Variants in SKAP1 observed in about 807,000 individuals in gnomAD.
The protein encoded by SKAP1 is src kinase associated phosphoprotein 1, also known as src kinase-associated phosphoprotein 1.
Under a neutral mutation model 58.5 loss-of-function variants are expected in SKAP1, and 44 were observed. That is an observed-to-expected ratio of 0.75 (90% CI 0.59 to 0.97). The LOEUF (loss-of-function observed/expected upper bound fraction) is 0.97, where lower values mean the gene tolerates loss of function less well. Among genes scored for constraint, SKAP1 ranks in the 50% least tolerant of loss-of-function variants. The probability of loss-of-function intolerance (pLI) is 0.00; values close to 1 mark genes in which losing one functional copy is unlikely to be tolerated. For missense variants in SKAP1, 390 were observed against 435.2 expected (o/e 0.90, Z 0.92); for synonymous variants, 127 against 149.7 (o/e 0.85, Z 1.11).
chr17:48,421,369 G>C (rs928069707), intron 1 of SKAP1, among the ~76,000 whole-genome samples: 10 of 150,592 alleles, frequency 6.6e-5, no homozygotes, highest in African/African-American at 2.2e-4. Context: ...GGCACGAGGC[G>C]GGAGGCTCAC....
chr17:48,436,817 G>T, the SKAP1 span, among the ~76,000 whole-genome samples: 3 of 152,092 alleles, frequency 2.0e-5, no homozygotes, highest in Non-Finnish European at 4.4e-5. Context: ...TCTCCCAAGA[G>T]CATCACTGAC....
At chr17:48,187,528 GA>G (rs1400303620) in intron 6 of SKAP1, among the ~76,000 whole-genome samples, 1 of 152,054 alleles carries the variant, frequency 6.6e-6, no homozygotes, top group Non-Finnish European at 1.5e-5. Flanking sequence ...TGCCTGTAAA[GA>G]GTTTGAAGTT....
chr17:48,412,843 C>T (rs931729754), intron 1 of SKAP1, among the ~76,000 whole-genome samples: 2 of 152,020 alleles, frequency 1.3e-5, no homozygotes, highest in Non-Finnish European at 2.9e-5. Context: ...TATGATTTTA[C>T]TTTTCAAGTT....
chr17:48,209,051 AG>A (rs951086825), intron 4 of SKAP1, among the ~76,000 whole-genome samples: 1 of 152,208 alleles, frequency 6.6e-6, no homozygotes, highest in Non-Finnish European at 1.5e-5. Flanking sequence ...TTCTATAATA[AG>A]AAAAATGACC....
chr17:48,267,628 CTTAGT>C (rs1187198850), intron 4 of SKAP1, among the ~76,000 whole-genome samples: 2 of 152,068 alleles, frequency 1.3e-5, no homozygotes, highest in Non-Finnish European at 2.9e-5. Flanking sequence ...AACACACTTG[CTTAGT>C]TTAATTTGCT....
At chr17:48,155,501 T>C (rs1051838998) in intron 11 of SKAP1, among the ~76,000 whole-genome samples, 1 of 152,298 alleles carries the variant, frequency 6.6e-6, no homozygotes, top group Admixed American at 6.5e-5. Flanking sequence ...TTCTGAAAGC[T>C]AGGACTTGTG....
rs866108683 is a variant in SKAP1 at position 48,190,966 on chromosome 17, C to T, written c.281-1466G>A. On this transcript the variant is annotated intron_variant, in intron 4 of 12. Transcript: ENST00000336915. The stretch of plus-strand genomic sequence containing the variant: ...TGCCATTTCACTCCAGCATGGGCGA[C>T]AGGATGAGACTTCGTCTCAAAACAA... Among the ~76,000 whole-genome samples, 6 of 152,296 alleles carry T rather than the reference C, an allele frequency of 3.9e-5. No individual in the cohort carries two copies. In the South Asian group the frequency reaches 1.2e-3, roughly 32 times the overall value.
intron 4 of SKAP1, among the ~76,000 whole-genome samples, chr17:48,281,509 C>A (rs1459081164): frequency 2.6e-5 from 4 of 152,212 alleles, no homozygotes; most frequent in Admixed American, 2.0e-4. Flanking sequence ...CAGGCAGAGG[C>A]AGCGTGCTTT....
intron 4 of SKAP1, among the ~76,000 whole-genome samples, chr17:48,206,287 G>A (rs1396085006): frequency 6.6e-6 from 1 of 152,110 alleles, no homozygotes; most frequent in African/African-American, 2.4e-5. Flanking sequence ...AAAGGATATA[G>A]GTAAAGAGAT....
intron 10 of SKAP1, 48 bp downstream of exon 10, chr17:48,170,561 A>C: frequency 6.7e-7 from 1 of 1,497,992 alleles, no homozygotes; most frequent in East Asian, 2.3e-5. Flanking sequence ...TCTAATCAGA[A>C]GCCCATAATG....
chr17:48,377,811 C>T (rs1048588260), intron 2 of SKAP1, among the ~76,000 whole-genome samples: 4 of 152,092 alleles, frequency 2.6e-5, no homozygotes, highest in Non-Finnish European at 5.9e-5. Flanking sequence ...AGAGAAGAAA[C>T]CAATTGCCAA....
intron 4 of SKAP1, chr17:48,249,102 G>C (rs978708450): frequency 6.6e-6 from 1 of 152,086 alleles, no homozygotes; most frequent in African/African-American, 2.4e-5. Context: ...TCCTCTAATA[G>C]ACAATAACTT....
intron 4 of SKAP1, among the ~76,000 whole-genome samples, chr17:48,333,779 A>G (rs2066533894): frequency 6.6e-6 from 1 of 152,096 alleles, no homozygotes; most frequent in African/African-American, 2.4e-5. Flanking sequence ...CCAAACAAAT[A>G]GGGAATTTTA....
intron 4 of SKAP1, among the ~76,000 whole-genome samples, chr17:48,198,902 A>C (rs12452103): frequency 0.83 from 126,728 of 152,182 alleles, 52,830 homozygotes; most frequent in East Asian, 0.95. Context: ...ATTAAGGCAG[A>C]AATCCTTCAA....
At chr17:48,269,021 G>A (rs1051680220) in intron 4 of SKAP1, among the ~76,000 whole-genome samples, 1 of 151,974 alleles carries the variant, frequency 6.6e-6, no homozygotes, top group Non-Finnish European at 1.5e-5. Context: ...AGGATAAAGA[G>A]CTCATTTTAG....
At chr17:48,174,803 T>TCCTTGCTCC (rs1400617629) in intron 9 of SKAP1, among the ~76,000 whole-genome samples, 1 of 152,238 alleles carries the variant, frequency 6.6e-6, no homozygotes. Context: ...ATTATAATGG[T>TCCTTGCTCC]CCTTGCTCCT....
intron 1 of SKAP1, among the ~76,000 whole-genome samples, chr17:48,406,619 G>T (rs187702722): frequency 6.6e-6 from 1 of 151,990 alleles, no homozygotes; most frequent in Non-Finnish European, 1.5e-5. Context: ...AGGCTGGAGT[G>T]CAGTGGTGCG....
intron 2 of SKAP1, among the ~76,000 whole-genome samples, chr17:48,379,798 C>T (rs1008780525): frequency 2.0e-5 from 3 of 151,618 alleles, no homozygotes; most frequent in East Asian, 1.9e-4. Context: ...TCTCCTGCCT[C>T]GGCCTCCTGA....
At chr17:48,402,057 A>G (rs2067504972) in intron 1 of SKAP1, among the ~76,000 whole-genome samples, 1 of 152,238 alleles carries the variant, frequency 6.6e-6, no homozygotes, top group Admixed American at 6.5e-5. Context: ...GGAAATGCAA[A>G]TCAAAATCAT....
Sources: gnomAD v4.1 joint callset for allele counts (sites outside exome capture counted in the v4.1 genomes callset) on GRCh38, gnomAD v4.1.1 for gene constraint, MANE v1.5 for transcripts, NCBI Gene and HGNC (gene_info 2026-07-23, HGNC 2026-07-21) for gene names.